The following AFF3 variants were observed in gnomAD, a reference collection of about 807,000 sequenced individuals.
AFF3 encodes ALF transcription elongation factor 3.
AFF3 carries 32 observed loss-of-function variants against 129.7 expected under a neutral mutation model. That is an observed-to-expected ratio of 0.25 (90% CI 0.19 to 0.33). The LOEUF (loss-of-function observed/expected upper bound fraction) is 0.33, where lower values mean the gene tolerates loss of function less well. AFF3 is among the 10% of genes least tolerant of loss of function. The pLI, the probability that AFF3 is intolerant of heterozygous loss-of-function variation, is 1.00. For synonymous variants in AFF3, 644 were observed against 635.4 expected, an observed-to-expected ratio of 1.01 and a Z score of -0.20; for missense variants, 1,373 against 1,592.0, an observed-to-expected ratio of 0.86 and a Z score of 2.34.
chr2:99,725,609 C>T (rs572641451), intron 11 of AFF3, among the ~76,000 whole-genome samples: 1 of 152,142 alleles, frequency 6.6e-6, no homozygotes, highest in Admixed American at 6.5e-5. Context: ...GGATTACAAG[C>T]GTGAGCCACT....
Position 99,546,799 on chromosome 2 carries a change from A to G in AFF3, c.*4675T>C, listed in dbSNP as rs1674088074. ...TGTGTGCAGTTCCCTGACTGCACACAAGTCAGGGAACTAACTTGTGACACT... is the reference window on the plus strand; with the variant it reads ...TGTGTGCAGTTCCCTGACTGCACACGAGTCAGGGAACTAACTTGTGACACT... On this transcript the variant is annotated 3_prime_UTR_variant, in exon 25 of 25. Transcript: ENST00000672756. 4.7e-6 allele frequency: 1 copy of G among 214,514 alleles called. No homozygotes were observed. The highest frequency in any genetic ancestry group is 2.3e-5 in the African/African-American group (1 of 44,280). 13.3% of individuals were successfully genotyped at this position (214,514 alleles called of 1,614,324 possible). A position where few individuals can be genotyped will look rare whatever the true frequency, so the allele number is the denominator to read the frequency against.
At chr2:99,646,292 G>A (rs1684683995) in intron 13 of AFF3, among the ~76,000 whole-genome samples, 1 of 152,172 alleles carries the variant, frequency 6.6e-6, no homozygotes, top group African/African-American at 2.4e-5. Flanking sequence ...TTCTGAAGGA[G>A]GATAAGACCC....
chr2:100,017,189 C>T (rs1053806787), intron 4 of AFF3, among the ~76,000 whole-genome samples: 7 of 151,996 alleles, frequency 4.6e-5, no homozygotes, highest in Non-Finnish European at 1.0e-4. Context: ...GACTATGCCC[C>T]GGCTCACTTA....
chr2:99,969,654 TTTGTTGTTG>T (rs536322720), intron 7 of AFF3, among the ~76,000 whole-genome samples: 4 of 151,290 alleles, frequency 2.6e-5, no homozygotes, highest in East Asian at 2.0e-4. Flanking sequence ...CCACCCAGGT[TTTGTTGTTG>T]TTGTTGTTGT....
At chr2:99,932,929 A>G (rs963050831) in intron 7 of AFF3, among the ~76,000 whole-genome samples, 1 of 152,192 alleles carries the variant, frequency 6.6e-6, no homozygotes, top group Non-Finnish European at 1.5e-5. Context: ...TACAGTTTCA[A>G]TAATATGTTT....
chr2:99,599,832 A>G (rs1679648445), intron 14 of AFF3, among the ~76,000 whole-genome samples: 1 of 152,196 alleles, frequency 6.6e-6, no homozygotes, highest in South Asian at 2.1e-4. Context: ...AAGCCTGCTT[A>G]ACTCTTCTAC....
chr2:100,067,200 TG>T (rs984392244), intron 4 of AFF3, among the ~76,000 whole-genome samples: 3 of 138,964 alleles, frequency 2.2e-5, no homozygotes, highest in Admixed American at 2.1e-4. Context: ...AAAAAAAAGG[TG>T]GGGGGAGGGT....
chr2:100,015,826 T>C (rs920411217), intron 4 of AFF3, among the ~76,000 whole-genome samples: 1 of 152,112 alleles, frequency 6.6e-6, no homozygotes, highest in East Asian at 1.9e-4. Flanking sequence ...CTCTGAGTTG[T>C]TGTGGTTGTG....
At chr2:99,695,938 G>GAAAAAAAAAAAAAAAAAAAACA (rs1676183833) in intron 11 of AFF3, among the ~76,000 whole-genome samples, 1 of 57,648 alleles carries the variant, frequency 1.7e-5, no homozygotes, top group Non-Finnish European at 2.9e-5. Flanking sequence ...CTGGAAAAAT[G>GAAAAAAAAAAAAAAAAAAAACA]AAAAAAAAAA....
At chr2:99,686,904 T>A (rs1675115872) in intron 11 of AFF3, among the ~76,000 whole-genome samples, 1 of 152,212 alleles carries the variant, frequency 6.6e-6, no homozygotes, top group East Asian at 1.9e-4. Context: ...ATCAGCAACC[T>A]CTATCATTGT....
chr2:99,798,075 A>G (rs999275196), intron 8 of AFF3, among the ~76,000 whole-genome samples: 2 of 152,124 alleles, frequency 1.3e-5, no homozygotes, highest in African/African-American at 4.8e-5. Flanking sequence ...TTTGGAGTTG[A>G]TAACATATAC....
chr2:99,833,800 C>A (rs1345824143), intron 8 of AFF3, among the ~76,000 whole-genome samples: 1 of 152,168 alleles, frequency 6.6e-6, no homozygotes, highest in African/African-American at 2.4e-5. Flanking sequence ...CTGCCTGTTA[C>A]AAACATATGT....
chr2:99,576,594 C>G (rs1677022796), intron 18 of AFF3, among the ~76,000 whole-genome samples: 1 of 151,154 alleles, frequency 6.6e-6, no homozygotes, highest in African/African-American at 2.4e-5. Flanking sequence ...TCTGACCTAG[C>G]TTTCTGGTTC....
chr2:99,699,210 C>G (rs1018960771), intron 11 of AFF3, among the ~76,000 whole-genome samples: 1 of 152,132 alleles, frequency 6.6e-6, no homozygotes. Context: ...GCAAAGAAAC[C>G]TCTGCTCAGG....
chr2:99,846,224 G>T (rs1689713459), intron 7 of AFF3, among the ~76,000 whole-genome samples: 2 of 152,042 alleles, frequency 1.3e-5, no homozygotes, highest in Non-Finnish European at 2.9e-5. Context: ...CCACCTTCCA[G>T]GTTCAAGTGA....
intron 4 of AFF3, among the ~76,000 whole-genome samples, chr2:100,080,747 A>C (rs1405569867): frequency 6.6e-6 from 1 of 152,176 alleles, no homozygotes. Flanking sequence ...AAGGACCTGG[A>C]TAGTGAACTC....
In AFF3 at chr2:99,601,544, C is replaced by T. The variant is rs771811951; in HGVS notation, c.1262G>A (p.Ser421Asn). 1.9e-6 allele frequency: 3 copies of T among 1,602,150 alleles called. No individual in the cohort carries two copies. The highest frequency in any genetic ancestry group is 1.1e-5 in the South Asian group (1 of 89,278). ...KGSSSSSSSG[S>N]SSSSSDSESS... The stretch of plus-strand genomic sequence containing the variant: ...CTCTGAGTCGCTGGAGGAGCTGCTG[C>T]TGCCGCTGCTGCTGCTGCTGCTGCT... The change falls in exon 14 of 25, where the codon AGC becomes AAC. Residue 421 changes from serine to asparagine, a missense_variant. Ser to Asn is a conservative substitution (Grantham distance 46). Around this residue, in one of 9 missense-constraint regions of AFF3, gnomAD observed 413 missense variants for 424.4 expected, o/e 0.97. Coordinates refer to ENST00000672756, the MANE Select transcript of AFF3 (RefSeq NM_001386135.1).
chr2:99,854,829 A>G (rs1346261609), intron 7 of AFF3, among the ~76,000 whole-genome samples: 1 of 152,254 alleles, frequency 6.6e-6, no homozygotes, highest in African/African-American at 2.4e-5. Flanking sequence ...AGGTTAAGAA[A>G]TAGATCTGCA....
At chr2:99,752,548 G>T (rs1192263001) in intron 8 of AFF3, among the ~76,000 whole-genome samples, 2 of 152,078 alleles carry the variant, frequency 1.3e-5, no homozygotes, top group Non-Finnish European at 2.9e-5. Flanking sequence ...TTGCAAGGCT[G>T]TCCTATTTTC....
Sources: allele counts gnomAD v4.1 joint callset (sites outside exome capture counted in the v4.1 genomes callset), GRCh38; gene constraint gnomAD v4.1.1; regional missense constraint gnomAD v4.1.1; transcripts MANE v1.5; gene names NCBI Gene and HGNC (gene_info 2026-07-23, HGNC 2026-07-21).